RYR3: variants seen among roughly 807,000 people sequenced by gnomAD.
The protein encoded by RYR3 is ryanodine receptor 3.
Under a neutral mutation model 584.3 loss-of-function variants are expected in RYR3, and 207 were observed. That is an observed-to-expected ratio of 0.35 (90% CI 0.32 to 0.40). The LOEUF is 0.40. RYR3 is among the 10% of genes least tolerant of loss of function. The pLI, the probability that RYR3 is intolerant of heterozygous loss-of-function variation, is 1.00. For synonymous variants in RYR3, 2,416 were observed against 2,248.5 expected, an observed-to-expected ratio of 1.07 and a Z score of -2.11; for missense variants, 5,616 against 6,089.2, an observed-to-expected ratio of 0.92 and a Z score of 2.59.
chr15:33,731,824 C>A (rs1248573230), intron 48 of RYR3, 130 bp downstream of exon 48: 7 of 678,846 alleles, frequency 1.0e-5, no homozygotes, highest in Admixed American at 6.4e-5. Flanking sequence ...AGCCCTCCCC[C>A]AGACATCTCA....
chr15:33,746,955 T>C (rs2070785318), intron 53 of RYR3, among the ~76,000 whole-genome samples: 1 of 151,446 alleles, frequency 6.6e-6, no homozygotes, highest in African/African-American at 2.4e-5. Flanking sequence ...ACTATAGGCA[T>C]GCACCACCAT....
At chr15:33,550,738 CA>C (rs5811770) in intron 10 of RYR3, among the ~76,000 whole-genome samples, 131,850 of 152,094 alleles carry the variant, frequency 0.87, 57,748 homozygotes, top group Middle Eastern at 0.98. Context: ...ATTTGTTAAA[CA>C]AAAAAAAGAT....
In RYR3 at chr15:33,508,103, C is replaced by T. The variant is rs530836122; in HGVS notation, c.279+4365C>T. ...TGAAAGGCCTTGGTTAACACAATTACCAGCTGCACTCCTGCCGATAAGGGC... is the reference window on the plus strand; with the variant it reads ...TGAAAGGCCTTGGTTAACACAATTATCAGCTGCACTCCTGCCGATAAGGGC... On this transcript the variant is annotated intron_variant, in intron 3 of 103. Transcript: ENST00000634891. Among the ~76,000 whole-genome samples the T allele has an allele frequency of 1.6e-4, 24 of 152,250 alleles. No individual in the cohort carries two copies. The East Asian group carries it at 4.6e-3, about 29-fold the overall frequency.
At chr15:33,665,222 G>C (rs147479538) in intron 36 of RYR3, among the ~76,000 whole-genome samples, 1 of 152,182 alleles carries the variant, frequency 6.6e-6, no homozygotes, top group African/African-American at 2.4e-5. Context: ...GCCTTGGGCT[G>C]TGGGTTCCCA....
Position 33,566,683 on chromosome 15 carries a change from A to G in RYR3, c.1152A>G (p.Ile384Met). 6.2e-7 allele frequency: 1 copy of G among 1,613,636 alleles called. No homozygotes were observed. The highest frequency in any genetic ancestry group is 8.5e-7 in the Non-Finnish European group (1 of 1,179,640). The stretch of plus-strand genomic sequence containing the variant: ...GTCCCTTGCCCTGTGGGTAGGTCAT[A>G]CTCCATCAGGAAGGCCACATGGATG... ...SRLGPLKRKV[I>M]LHQEGHMDDG... is the part of the protein sequence containing the mutation. The change falls in exon 12 of 104, where the codon ATA becomes ATG. Residue 384 changes from isoleucine to methionine, a missense_variant. Ile to Met is a conservative substitution (Grantham distance 10, BLOSUM62 1). Transcript: ENST00000634891.
chr15:33,826,197 C>A (rs550970616), intron 82 of RYR3, 55 bp from the exon 83 acceptor site: 96 of 1,554,252 alleles, frequency 6.2e-5, no homozygotes, highest in Non-Finnish European at 7.8e-5. Flanking sequence ...GACAGTTTAT[C>A]ATGATGTTTA....
At chr15:33,739,315 T>C (rs1302959850) in intron 50 of RYR3, among the ~76,000 whole-genome samples, 1 of 152,208 alleles carries the variant, frequency 6.6e-6, no homozygotes, top group Non-Finnish European at 1.5e-5. Context: ...TCAAAAGCTC[T>C]TCCCAACCCC....
In RYR3 at chr15:33,550,326, G is replaced by A. The variant is rs187106712; in HGVS notation, c.972+10G>A. ...TTTCCGGGCATCAAAGGTAAGGTGTGATAAAGTGGACTTTGACCCTGTTCT... is the reference window on the plus strand; with the variant it reads ...TTTCCGGGCATCAAAGGTAAGGTGTAATAAAGTGGACTTTGACCCTGTTCT... On this transcript the variant is annotated intron_variant, in intron 10 of 103. Transcript: ENST00000634891. 6 of 1,609,482 alleles carry A rather than the reference G, an allele frequency of 3.7e-6. No homozygotes were observed. Among genetic ancestry groups the A allele is most frequent in the Non-Finnish European group, 4.2e-6 (5 of 1,177,906 alleles).
intron 32 of RYR3, among the ~76,000 whole-genome samples, chr15:33,659,402 G>C (rs1300083793): frequency 6.6e-6 from 1 of 152,240 alleles, no homozygotes; most frequent in East Asian, 1.9e-4. Context: ...ACCAGCAGCA[G>C]GTATGCCTTT....
intron 20 of RYR3, among the ~76,000 whole-genome samples, chr15:33,625,406 G>T (rs2060935109): frequency 1.3e-5 from 2 of 152,314 alleles, no homozygotes; most frequent in Admixed American, 6.5e-5. Flanking sequence ...CCTTAATGGG[G>T]AATGAGAATG....
intron 1 of RYR3, among the ~76,000 whole-genome samples, chr15:33,361,033 T>C (rs1231657805): frequency 6.6e-6 from 1 of 152,164 alleles, no homozygotes; most frequent in Non-Finnish European, 1.5e-5. Flanking sequence ...ATGTTGCAGC[T>C]CCTATTCTGA....
At chr15:33,697,524 A>T (rs1016912725) in intron 39 of RYR3, among the ~76,000 whole-genome samples, 2 of 152,216 alleles carry the variant, frequency 1.3e-5, no homozygotes, top group Non-Finnish European at 2.9e-5. Context: ...TGACTTAAAG[A>T]TGTAATTGTT....
chr15:33,502,667 T>C (rs2142742754), intron 2 of RYR3, among the ~76,000 whole-genome samples: 1 of 152,336 alleles, frequency 6.6e-6, no homozygotes, highest in East Asian at 1.9e-4. Context: ...TATTTGCTGA[T>C]CTAAAATGTT....
chr15:33,807,430 T>G, intron 69 of RYR3, 125 bp from the exon 70 acceptor site: 1 of 924,960 alleles, frequency 1.1e-6, no homozygotes, highest in Non-Finnish European at 1.7e-6. Flanking sequence ...ATTGAGTTTC[T>G]GTTGTGTTGG....
Position 33,821,539 on chromosome 15 carries a change from G to C in RYR3, c.10932G>C (p.Met3644Ile), listed in dbSNP as rs1454526199. 1.2e-6 allele frequency: 2 copies of C among 1,614,012 alleles called. No homozygotes were observed. The highest frequency in any genetic ancestry group is 1.7e-5 in the Admixed American group (1 of 60,030). The change falls in exon 80 of 104, where the codon ATG (methionine) becomes ATC (isoleucine). Residue 3644 changes from methionine (M) to isoleucine (I), a missense_variant. Physicochemically the swap from Met to Ile is conservative, Grantham distance 10. Coordinates refer to ENST00000634891, the MANE Select transcript of RYR3 (RefSeq NM_001036.6). ...ISASKGEMSP[M>I]VVETLKLGIA... ...CCATGGCAGGTGAGATGAGCCCCAT[G>C]GTGGTTGAGACGCTGAAGCTGGGGA...
At chr15:33,398,287 C>CCCA (rs2042418120) in intron 1 of RYR3, among the ~76,000 whole-genome samples, 2 of 152,146 alleles carry the variant, frequency 1.3e-5, no homozygotes, top group Non-Finnish European at 2.9e-5. Flanking sequence ...GTCAGGGTGG[C>CCCA]CATCCATCCA....
chr15:33,750,494 TATTACAA>T (rs776793912), intron 57 of RYR3, among the ~76,000 whole-genome samples: 7 of 152,240 alleles, frequency 4.6e-5, no homozygotes, highest in Non-Finnish European at 1.0e-4. Context: ...AACAAAGAAT[TATTACAA>T]ATTATACCTA....
chr15:33,816,879 T>C lies in RYR3; in HGVS notation c.10520T>C (p.Leu3507Pro). ...YNLPRHRSIN[L>P]FLHGYQRFWI... ...CCGCTCAGGCACCGCTCTATTAACC[T>C]CTTCCTCCATGGCTATCAGAGATTT... is the stretch of plus-strand genomic sequence containing the variant. Residue 3507 changes from leucine to proline, a missense_variant, in exon 75 of 104, where the codon CTC becomes CCC. Physicochemically the swap from Leu to Pro is moderately conservative, Grantham distance 98. Transcript: ENST00000634891. 1 of 1,612,098 alleles carries C rather than the reference T, an allele frequency of 6.2e-7. No homozygotes were observed. Among genetic ancestry groups the C allele is most frequent in the Non-Finnish European group, 8.5e-7 (1 of 1,178,734 alleles).
rs541189701 is a variant in RYR3 at position 33,811,128 on chromosome 15, A to G, written c.10257+91A>G. The G allele has an allele frequency of 2.6e-5, 28 of 1,062,860 alleles. No individual in the cohort carries two copies. The African/African-American group carries it at 3.1e-4, about 12-fold the overall frequency. The allele number at this position is 1,062,860 out of a possible 1,614,324, so 65.8% of individuals were successfully genotyped here. On this transcript the variant is annotated intron_variant, in intron 72 of 103. Coordinates refer to ENST00000634891, the MANE Select transcript of RYR3 (RefSeq NM_001036.6). ...TTCACTTCATTTACTCATGCTTCTT[A>G]TATGTGTTCCAAAAACAGTTTGGGG...
Sources: gnomAD v4.1 joint callset for allele counts (sites outside exome capture counted in the v4.1 genomes callset) on GRCh38, gnomAD v4.1.1 for gene constraint, MANE v1.5 for transcripts, NCBI Gene and HGNC (gene_info 2026-07-23, HGNC 2026-07-21) for gene names.